The following TBCK variants were observed in gnomAD, a reference collection of about 807,000 sequenced individuals.
TBCK encodes the protein TBC1 domain containing kinase, also known as TBC domain-containing protein kinase-like protein.
TBCK carries 99 observed loss-of-function variants against 113.4 expected under a neutral mutation model. The observed-to-expected ratio is 0.87, with a 90% confidence interval of 0.74 to 1.03. The LOEUF (loss-of-function observed/expected upper bound fraction) is 1.03. Among genes scored for constraint, TBCK ranks in the 50% least tolerant of loss-of-function variants. TBCK has a pLI of 0.00. For missense variants in TBCK, 1,045 were observed against 1,061.3 expected, an observed-to-expected ratio of 0.98 and a Z score of 0.21; for synonymous variants, 369 against 370.8, an observed-to-expected ratio of 1.00 and a Z score of 0.05.
intron 3 of TBCK, among the ~76,000 whole-genome samples, chr4:106,291,808 T>G (rs893222156): frequency 6.6e-6 from 1 of 152,188 alleles, no homozygotes; most frequent in Non-Finnish European, 1.5e-5. Flanking sequence ...TGTTCCTCTT[T>G]CGACTAGCAC....
chr4:106,188,827 T>G (rs138791391), intron 22 of TBCK, among the ~76,000 whole-genome samples: 20 of 152,326 alleles, frequency 1.3e-4, no homozygotes, highest in African/African-American at 4.8e-4. Flanking sequence ...AACAATTAGG[T>G]TAGTGTTATG....
At chr4:106,240,446 T>C (rs945017717) in intron 12 of TBCK, among the ~76,000 whole-genome samples, 6 of 151,934 alleles carry the variant, frequency 3.9e-5, no homozygotes, top group African/African-American at 1.4e-4. Context: ...TCTATAGACA[T>C]ATTATTTAAA....
Position 106,149,932 on chromosome 4 carries a change from A to G in TBCK, c.2235+21163T>C, listed in dbSNP as rs1377604646. Reference sequence around the variant, plus strand: ...GTTTACCTTTTACTGATTTCAAGAAAGAAAACATAAAGCAGGGAATGTAAC... The same window carrying G: ...GTTTACCTTTTACTGATTTCAAGAAGGAAAACATAAAGCAGGGAATGTAAC... On this transcript the variant is annotated intron_variant, in intron 23 of 25. Transcript: ENST00000394708. Among the ~76,000 whole-genome samples, 3 of 152,384 alleles carry G rather than the reference A, an allele frequency of 2.0e-5. No homozygotes were observed. In the Middle Eastern group the frequency reaches 0.01, roughly 518 times the overall value.
At chr4:106,244,821 T>G in intron 10 of TBCK, 57 bp from the exon 11 acceptor site, 1 of 1,103,756 alleles carries the variant, frequency 9.1e-7, no homozygotes, top group Non-Finnish European at 1.3e-6. Context: ...TTATTAAACG[T>G]CAACAGGCAG....
rs3056715 is a variant in TBCK, at chr4:106,055,551, TAC to T, written c.2572-8873_2572-8872del. Among the ~76,000 whole-genome samples, 791 of 149,308 alleles carry T rather than the reference TAC, an allele frequency of 5.3e-3. 3 individuals carry two copies. Among genetic ancestry groups the T allele is most frequent in the Middle Eastern group, 0.014 (4 of 290 alleles). ...GTTTGGTTTGTTGAAAGTTCAATTATACACACACACACACACACACACACATA... is the reference window on the plus strand; with the variant it reads ...GTTTGGTTTGTTGAAAGTTCAATTATACACACACACACACACACACACATA... On this transcript the variant is annotated intron_variant, in intron 25 of 25. Transcript: ENST00000394708.
chr4:106,199,866 A>T (rs565725612), intron 20 of TBCK, among the ~76,000 whole-genome samples: 2 of 152,304 alleles, frequency 1.3e-5, no homozygotes, highest in African/African-American at 4.8e-5. Flanking sequence ...CTAGTTTCCT[A>T]GATTCCATTC....
At chr4:106,225,353 G>C (rs998481192) in intron 19 of TBCK, among the ~76,000 whole-genome samples, 1 of 152,116 alleles carries the variant, frequency 6.6e-6, no homozygotes, top group Non-Finnish European at 1.5e-5. Context: ...TTAATACTTA[G>C]AGAAACAAGC....
intron 22 of TBCK, among the ~76,000 whole-genome samples, chr4:106,174,662 T>C (rs79270568): frequency 0.14 from 20,695 of 152,182 alleles, 1,681 homozygotes; most frequent in South Asian, 0.25. Flanking sequence ...TGTTTCTTTT[T>C]AAATCTTCTA....
intron 6 of TBCK, among the ~76,000 whole-genome samples, chr4:106,251,505 T>C (rs1291591854): frequency 6.6e-6 from 1 of 151,986 alleles, no homozygotes; most frequent in Non-Finnish European, 1.5e-5. Flanking sequence ...ATTACTGTCA[T>C]ATCAATCTTC....
intron 6 of TBCK, chr4:106,251,142 TTATA>T (rs1383288073): frequency 1.0e-5 from 4 of 393,588 alleles, no homozygotes; most frequent in Non-Finnish European, 5.1e-6. Context: ...CATCAAATAG[TTATA>T]TAAATTTGGC....
At chr4:106,292,790 C>T (rs1268366821) in intron 3 of TBCK, among the ~76,000 whole-genome samples, 1 of 152,158 alleles carries the variant, frequency 6.6e-6, no homozygotes, top group African/African-American at 2.4e-5. Flanking sequence ...CAGAATAGGT[C>T]ACAAAGCTTG....
chr4:106,208,529 GT>G (rs1755788005), intron 20 of TBCK, among the ~76,000 whole-genome samples: 1 of 151,892 alleles, frequency 6.6e-6, no homozygotes, highest in African/African-American at 2.4e-5. Flanking sequence ...CTTTTAGGTG[GT>G]GGGAAGACTA....
chr4:106,232,038 TA>T (rs1268712968), intron 17 of TBCK, among the ~76,000 whole-genome samples: 1 of 151,816 alleles, frequency 6.6e-6, no homozygotes, highest in Non-Finnish European at 1.5e-5. Flanking sequence ...TAGAAAAATG[TA>T]AGAATGTTAC....
intron 20 of TBCK, among the ~76,000 whole-genome samples, chr4:106,211,227 AACACCATT>A (rs1560826467): frequency 1.3e-5 from 2 of 152,176 alleles, no homozygotes; most frequent in Admixed American, 1.3e-4. Flanking sequence ...TCAAAAATCT[AACACCATT>A]ACCAACTTGG....
At chr4:106,136,664 T>C (rs1403429934) in intron 23 of TBCK, among the ~76,000 whole-genome samples, 1 of 140,716 alleles carries the variant, frequency 7.1e-6, no homozygotes, top group Non-Finnish European at 1.6e-5. Context: ...ATGCAGAAAG[T>C]TCAGTCAGCA....
At chr4:106,229,234 G>C (rs1758582099) in intron 19 of TBCK, among the ~76,000 whole-genome samples, 1 of 151,958 alleles carries the variant, frequency 6.6e-6, no homozygotes, top group Non-Finnish European at 1.5e-5. Context: ...TTGCTGTTCA[G>C]AAGGTTTTTA....
chr4:106,047,659 A>G (rs1734363015), intron 25 of TBCK, among the ~76,000 whole-genome samples: 1 of 152,186 alleles, frequency 6.6e-6, no homozygotes, highest in South Asian at 2.1e-4. Context: ...TATTTAAATT[A>G]TCCATTTAAG....
At chr4:106,225,078 A>C (rs1325566593) in intron 19 of TBCK, among the ~76,000 whole-genome samples, 3 of 152,234 alleles carry the variant, frequency 2.0e-5, no homozygotes, top group Non-Finnish European at 4.4e-5. Context: ...TATTGAAAGA[A>C]TCTCAATTCT....
At chr4:106,064,862 C>CT (rs1486019089) in intron 25 of TBCK, among the ~76,000 whole-genome samples, 2 of 151,862 alleles carry the variant, frequency 1.3e-5, no homozygotes, top group Non-Finnish European at 2.9e-5. Flanking sequence ...CATCCCATTA[C>CT]CTTATTTTCC....
Sources: gnomAD v4.1 joint callset for allele counts (sites outside exome capture counted in the v4.1 genomes callset) on GRCh38, gnomAD v4.1.1 for gene constraint, MANE v1.5 for transcripts, NCBI Gene and HGNC (gene_info 2026-07-23, HGNC 2026-07-21) for gene names.